The following IDO2 variants were observed in gnomAD, a reference collection of about 807,000 sequenced individuals.
IDO2 encodes the protein indoleamine 2,3-dioxygenase 2, also known as indoleamine 2,3-dioxygenase-like 1 protein.
A neutral mutation model predicts 45.1 loss-of-function variants in IDO2; 46 were observed. The ratio of observed to expected loss-of-function variants is 1.02; its 90% CI spans 0.80 to 1.30. IDO2 has a LOEUF of 1.30. IDO2 is among the 50% of genes most tolerant of loss of function. The pLI is 0.00. For missense variants in IDO2, 544 were observed against 491.8 expected (o/e 1.11, Z -1.00); for synonymous variants, 218 against 184.9 (o/e 1.18, Z -1.45).
chr8:39,990,552 G>T (rs1436985563), intron 8 of IDO2, among the ~76,000 whole-genome samples: 2 of 152,182 alleles, frequency 1.3e-5, no homozygotes, highest in Non-Finnish European at 2.9e-5. Context: ...AACGACATCT[G>T]CCCAGCAACT....
chr8:39,937,065 T>C (rs1179580745), intron 1 of IDO2, among the ~76,000 whole-genome samples: 1 of 152,236 alleles, frequency 6.6e-6, no homozygotes, highest in Non-Finnish European at 1.5e-5. Context: ...ACAAAGAATA[T>C]GATTGCACAG....
At chr8:40,009,347 A>T (rs1278915282) in intron 9 of IDO2, among the ~76,000 whole-genome samples, 1 of 152,026 alleles carries the variant, frequency 6.6e-6, no homozygotes, top group African/African-American at 2.4e-5. Flanking sequence ...ATTTTTATTT[A>T]GGAGAATGGA....
At chr8:39,939,245 A>G (rs56132501) in intron 1 of IDO2, among the ~76,000 whole-genome samples, 2 of 48,772 alleles carry the variant, frequency 4.1e-5, no homozygotes, top group Admixed American at 2.2e-4. Context: ...TCCATCTCAA[A>G]AAAAAAAAAA....
chr8:39,945,275 A>G (rs879361291), intron 1 of IDO2, among the ~76,000 whole-genome samples: 2 of 152,242 alleles, frequency 1.3e-5, no homozygotes, highest in Non-Finnish European at 2.9e-5. Context: ...TCAATAGGCT[A>G]TAGGAGGAGT....
intron 8 of IDO2, chr8:39,995,249 C>CTTGT (rs1563438300): frequency 2.9e-4 from 29 of 101,648 alleles, no homozygotes; most frequent in Non-Finnish European, 4.6e-4. Flanking sequence ...CCTTCTCCTT[C>CTTGT]TCCTTCTTCT....
At chr8:39,952,851 C>T (rs374390249) in intron 2 of IDO2, among the ~76,000 whole-genome samples, 1 of 152,054 alleles carries the variant, frequency 6.6e-6, no homozygotes, top group South Asian at 2.1e-4. Flanking sequence ...TCACTGCAAC[C>T]TCCGCCTCCC....
At chr8:39,958,400 A>AT (rs1342650404) in intron 2 of IDO2, among the ~76,000 whole-genome samples, 6 of 145,740 alleles carry the variant, frequency 4.1e-5, no homozygotes, top group Non-Finnish European at 9.0e-5. Context: ...CACCCAGCTA[A>AT]TTTTTTTCTT....
intron 3 of IDO2, among the ~76,000 whole-genome samples, chr8:39,971,793 C>G (rs898845894): frequency 6.7e-5 from 10 of 149,636 alleles, no homozygotes; most frequent in Non-Finnish European, 4.5e-5. Context: ...TTGCTGCAAT[C>G]TTACGATTGA....
exon 1 of IDO2, chr8:39,935,118 C>A (rs912943677): frequency 8.6e-7 from 1 of 1,168,030 alleles, no homozygotes; most frequent in Admixed American, 1.7e-5. Flanking sequence ...ATACAGAAGG[C>A]AATGGACACC....
intron 9 of IDO2, among the ~76,000 whole-genome samples, chr8:40,010,378 A>G (rs981714152): frequency 6.6e-6 from 1 of 152,204 alleles, no homozygotes; most frequent in Non-Finnish European, 1.5e-5. Flanking sequence ...GTGAGGTGAC[A>G]GTAGAGACCG....
intron 1 of IDO2, among the ~76,000 whole-genome samples, chr8:39,943,599 A>T (rs997748026): frequency 6.6e-6 from 1 of 151,644 alleles, no homozygotes; most frequent in African/African-American, 2.4e-5. Flanking sequence ...TAGCCGGGCG[A>T]GGTGGCTGGT....
chr8:40,015,878 C>T (rs1802380802), exon 11 of IDO2: 1 of 371,872 alleles, frequency 2.7e-6, no homozygotes, highest in Non-Finnish European at 4.8e-6. Flanking sequence ...GACTGTATGC[C>T]ATTCTCTTTG....
chr8:40,000,570 C>T (rs1802120546), intron 8 of IDO2, among the ~76,000 whole-genome samples: 1 of 152,166 alleles, frequency 6.6e-6, no homozygotes, highest in African/African-American at 2.4e-5. Flanking sequence ...ATAGACATAG[C>T]ACATTTTCAC....
intron 3 of IDO2, among the ~76,000 whole-genome samples, chr8:39,973,730 G>GT (rs1808215281): frequency 8.5e-6 from 1 of 117,506 alleles, no homozygotes; most frequent in Non-Finnish European, 1.7e-5. Flanking sequence ...GGGTTTTCTT[G>GT]TGTTTCGTTT....
chr8:40,005,438 A>G, intron 9 of IDO2, 60 bp downstream of exon 9: 1 of 1,112,556 alleles, frequency 9.0e-7, no homozygotes, highest in Non-Finnish European at 1.3e-6. Context: ...TGAATGTATA[A>G]GGGGACGAAG....
intron 4 of IDO2, among the ~76,000 whole-genome samples, chr8:39,981,089 T>A (rs112459726): frequency 0.035 from 4,723 of 136,280 alleles, 101 homozygotes; most frequent in Middle Eastern, 0.071. Flanking sequence ...CGAGACGGAG[T>A]CTCACTCTGT....
chr8:40,002,227 A>G (rs541589185), intron 8 of IDO2, among the ~76,000 whole-genome samples: 1 of 152,148 alleles, frequency 6.6e-6, no homozygotes, highest in Non-Finnish European at 1.5e-5. Flanking sequence ...TTTCCCTCCT[A>G]TGGATAAGCA....
intron 4 of IDO2, among the ~76,000 whole-genome samples, chr8:39,979,763 G>A (rs1808314186): frequency 6.6e-6 from 1 of 152,174 alleles, no homozygotes; most frequent in African/African-American, 2.4e-5. Context: ...TTGAATGTTT[G>A]TTTGTTTGTT....
At chr8:39,940,756 C>T (rs915416958) in intron 1 of IDO2, among the ~76,000 whole-genome samples, 1 of 152,076 alleles carries the variant, frequency 6.6e-6, no homozygotes, top group African/African-American at 2.4e-5. Context: ...ATCCCACCCT[C>T]TGGTAACCAC....
Sources: gnomAD v4.1 joint callset for allele counts (sites outside exome capture counted in the v4.1 genomes callset) on GRCh38, gnomAD v4.1.1 for gene constraint, MANE v1.5 for transcripts, NCBI Gene and HGNC (gene_info 2026-07-23, HGNC 2026-07-21) for gene names.